The following ADAMTS17 variants were observed in gnomAD, a reference collection of about 807,000 sequenced individuals.
The protein encoded by ADAMTS17 is A disintegrin and metalloproteinase with thrombospondin motifs 17.
A neutral mutation model predicts 141.5 loss-of-function variants in ADAMTS17; 113 were observed. That is an observed-to-expected ratio of 0.80 (90% CI 0.69 to 0.93). The LOEUF is 0.93. ADAMTS17 is among the 40% of genes least tolerant of loss of function. The pLI is 0.00. For synonymous variants in ADAMTS17, 768 were observed against 630.6 expected (o/e 1.22, Z -3.27); for missense variants, 1,659 against 1,517.9 (o/e 1.09, Z -1.54).
At chr15:100,103,680 G>A (rs2141062246) in intron 14 of ADAMTS17, among the ~76,000 whole-genome samples, 1 of 152,120 alleles carries the variant, frequency 6.6e-6, no homozygotes, top group Non-Finnish European at 1.5e-5. Context: ...CCGGGTTCAA[G>A]CAATTCTCCT....
intron 15 of ADAMTS17, among the ~76,000 whole-genome samples, chr15:100,055,627 C>T (rs1187460399): frequency 2.0e-5 from 3 of 152,140 alleles, no homozygotes; most frequent in Admixed American, 2.0e-4. Flanking sequence ...AAAGAGAAAG[C>T]CCTGCCACTT....
chr15:100,115,901 A>C (rs905704067), intron 13 of ADAMTS17, among the ~76,000 whole-genome samples: 5 of 152,130 alleles, frequency 3.3e-5, no homozygotes, highest in African/African-American at 4.8e-5. Context: ...CTGTGAGTCA[A>C]CTGCTCTGGA....
chr15:100,060,490 C>A (rs1419237731), intron 15 of ADAMTS17, among the ~76,000 whole-genome samples: 1 of 152,188 alleles, frequency 6.6e-6, no homozygotes, highest in Non-Finnish European at 1.5e-5. Context: ...GGGGGCATTC[C>A]TGAGGGAAGG....
At chr15:100,110,026 A>G (rs1012201786) in intron 13 of ADAMTS17, among the ~76,000 whole-genome samples, 14 of 151,904 alleles carry the variant, frequency 9.2e-5, no homozygotes, top group African/African-American at 3.4e-4. Context: ...CCCATCGCTA[A>G]AAGAGTGTGA....
At chr15:100,164,323 GAGAA>G (rs930915186) in intron 8 of ADAMTS17, among the ~76,000 whole-genome samples, 1 of 152,168 alleles carries the variant, frequency 6.6e-6, no homozygotes, top group Non-Finnish European at 1.5e-5. Flanking sequence ...TCTGCCTCTT[GAGAA>G]AGAAACATAC....
intron 21 of ADAMTS17, 114 bp downstream of exon 21, chr15:99,975,931 C>CAA: frequency 8.5e-7 from 1 of 1,177,928 alleles, no homozygotes; most frequent in Non-Finnish European, 1.2e-6. Context: ...CCTTATGTGA[C>CAA]AAGTGAGGCC....
chr15:100,105,399 T>A (rs564326344), intron 14 of ADAMTS17, among the ~76,000 whole-genome samples: 3 of 152,176 alleles, frequency 2.0e-5, no homozygotes, highest in African/African-American at 7.2e-5. Flanking sequence ...GCAATGATGA[T>A]GACAATGGTG....
At chr15:100,161,255 G>A (rs1431430188) in intron 8 of ADAMTS17, among the ~76,000 whole-genome samples, 1 of 152,230 alleles carries the variant, frequency 6.6e-6, no homozygotes. Flanking sequence ...GAATCTCGCA[G>A]GACATGAGTA....
At chr15:100,124,820 T>A (rs1047383106) in intron 12 of ADAMTS17, among the ~76,000 whole-genome samples, 1 of 152,140 alleles carries the variant, frequency 6.6e-6, no homozygotes, top group Admixed American at 6.5e-5. Context: ...CCCAAGCGCC[T>A]GCAGAACAAG....
intron 10 of ADAMTS17, among the ~76,000 whole-genome samples, chr15:100,138,989 C>T (rs982296077): frequency 1.8e-4 from 28 of 152,056 alleles, no homozygotes; most frequent in African/African-American, 6.5e-4. Flanking sequence ...AGCTTGAAGG[C>T]GCATGGGGGG....
chr15:100,288,295 A>T (rs2044513605), intron 3 of ADAMTS17, among the ~76,000 whole-genome samples: 1 of 152,250 alleles, frequency 6.6e-6, no homozygotes, highest in African/African-American at 2.4e-5. Flanking sequence ...ATAATGGTAA[A>T]GGGTTCAATT....
At chr15:100,058,232 A>G in intron 15 of ADAMTS17, among the ~76,000 whole-genome samples, 1 of 14,828 alleles carries the variant, frequency 6.7e-5, no homozygotes, top group Admixed American at 4.6e-4. Flanking sequence ...CAACACTCCT[A>G]TCCCAGCTCT....
intron 13 of ADAMTS17, 62 bp downstream of exon 13, chr15:100,116,785 G>T (rs566826879): frequency 3.1e-6 from 5 of 1,611,168 alleles, no homozygotes; most frequent in African/African-American, 1.3e-5. Context: ...TCCCTAGGTG[G>T]TTTTTATATT....
At chr15:100,050,376 A>T (rs1229336483) in intron 17 of ADAMTS17, among the ~76,000 whole-genome samples, 2 of 152,108 alleles carry the variant, frequency 1.3e-5, no homozygotes, top group East Asian at 3.9e-4. Flanking sequence ...CTGGATTTGG[A>T]GGTTGAAAGG....
At chr15:100,179,879 A>AT (rs1387490706) in intron 8 of ADAMTS17, among the ~76,000 whole-genome samples, 3 of 152,128 alleles carry the variant, frequency 2.0e-5, no homozygotes, top group African/African-American at 7.2e-5. Flanking sequence ...AGATTATAAG[A>AT]TTTTTTCCTA....
chr15:100,023,407 G>T (rs1297842180), intron 18 of ADAMTS17, among the ~76,000 whole-genome samples: 1 of 151,654 alleles, frequency 6.6e-6, no homozygotes, highest in Non-Finnish European at 1.5e-5. Flanking sequence ...GGCGTTTCAC[G>T]TTGGTCAGGC....
intron 20 of ADAMTS17, chr15:99,978,820 G>C (rs895142140): frequency 1.3e-5 from 2 of 152,202 alleles, no homozygotes; most frequent in African/African-American, 4.8e-5. Context: ...ATGGTGGAGG[G>C]GGTCCCAAGA....
intron 7 of ADAMTS17, among the ~76,000 whole-genome samples, chr15:100,241,151 A>AGAC (rs371776654): frequency 8.7e-4 from 133 of 152,240 alleles, no homozygotes; most frequent in African/African-American, 2.8e-3. Flanking sequence ...TGTTGCTGTC[A>AGAC]GTCTTATTTT....
intron 7 of ADAMTS17, among the ~76,000 whole-genome samples, chr15:100,229,551 A>C (rs2042412749): frequency 2.0e-5 from 3 of 152,202 alleles, no homozygotes; most frequent in Admixed American, 2.0e-4. Context: ...TGAGAACCAC[A>C]GCAAGGCTGG....
Sources: allele counts gnomAD v4.1 joint callset (sites outside exome capture counted in the v4.1 genomes callset), GRCh38; gene constraint gnomAD v4.1.1; transcripts MANE v1.5; gene names NCBI Gene and HGNC (gene_info 2026-07-23, HGNC 2026-07-21).